Variants in NCKAP1L observed in about 807,000 individuals in gnomAD.
NCKAP1L encodes nck-associated protein 1-like.
NCKAP1L carries 53 observed loss-of-function variants against 139.2 expected under a neutral mutation model. The observed-to-expected ratio is 0.38, with a 90% CI of 0.31 to 0.48. The LOEUF (loss-of-function observed/expected upper bound fraction) is 0.48, where lower values mean the gene tolerates loss of function less well. Among genes scored for constraint, NCKAP1L ranks in the 20% least tolerant of loss-of-function variants. The probability of loss-of-function intolerance (pLI) is 0.98; values close to 1 mark genes in which losing one functional copy is unlikely to be tolerated. For missense variants in NCKAP1L, 1,151 were observed against 1,381.9 expected, an observed-to-expected ratio of 0.83 and a Z score of 2.65; for synonymous variants, 468 against 499.7, an observed-to-expected ratio of 0.94 and a Z score of 0.85.
intron 20 of NCKAP1L, 67 bp from the exon 21 acceptor site, chr12:54,526,461 C>T: frequency 7.8e-7 from 1 of 1,275,914 alleles, no homozygotes; most frequent in Non-Finnish European, 1.1e-6. Context: ...ACAATATACA[C>T]TCAACAATTG....
chr12:54,540,800 T>C (rs1338467662), intron 30 of NCKAP1L, among the ~76,000 whole-genome samples: 1 of 152,172 alleles, frequency 6.6e-6, no homozygotes, highest in African/African-American at 2.4e-5. Context: ...CACCCCAAAA[T>C]GTGGAAAGTG....
intron 13 of NCKAP1L, 118 bp downstream of exon 13, chr12:54,518,056 C>A: frequency 8.0e-7 from 1 of 1,247,618 alleles, no homozygotes; most frequent in Non-Finnish European, 1.1e-6. Flanking sequence ...AAGGTCCAAT[C>A]TAGGCTGGGC....
Position 54,519,224 on chromosome 12 carries a change from A to C in NCKAP1L, c.1517A>C (p.His506Pro). Residue 506 changes from histidine to proline, a missense_variant, in exon 16 of 31, where the codon CAT becomes CCT. By Grantham distance (77) the His-to-Pro change is moderately conservative. Coordinates refer to ENST00000293373, the MANE Select transcript of NCKAP1L (RefSeq NM_005337.5). ...TSVAKAPLHL[H>P]ENPDLAKVMN... ...GTGGCTAAGGCCCCTCTGCACCTGC[A>C]TGAGAACCCTGACTTAGCCAAGGTG... is the stretch of plus-strand genomic sequence containing the variant. The C allele has an allele frequency of 3.2e-6, 5 of 1,580,600 alleles. No homozygotes were observed. The highest frequency in any genetic ancestry group is 4.3e-6 in the Non-Finnish European group (5 of 1,170,136).
At chr12:54,519,721 T>C (rs1956966595) in intron 16 of NCKAP1L, among the ~76,000 whole-genome samples, 1 of 152,210 alleles carries the variant, frequency 6.6e-6, no homozygotes, top group Non-Finnish European at 1.5e-5. Flanking sequence ...ACCAATAATC[T>C]TAAGTGATAG....
chr12:54,531,313 G>A lies in NCKAP1L; in HGVS notation c.2560G>A (p.Glu854Lys). 1 of 1,614,160 alleles carries A rather than the reference G, an allele frequency of 6.2e-7. No homozygotes were observed. The highest frequency in any genetic ancestry group is 1.1e-5 in the South Asian group (1 of 91,080). The change falls in exon 23 of 31, where the codon GAA (glutamate) becomes AAA (lysine). Residue 854 changes from glutamate (E) to lysine (K), a missense_variant. Transcript: ENST00000293373. ...CCCCTATGGCATGAAGTTCCTGAGT[G>A]AAAACCTGATGTGGCATGTGACCTC... Reference protein sequence around the residue: ...LGPYGMKFLSENLMWHVTSQI... With the variant: ...LGPYGMKFLSKNLMWHVTSQI...
At chr12:54,512,597 T>C (rs1956897188) in intron 9 of NCKAP1L, 1 of 153,994 alleles carries the variant, frequency 6.5e-6, no homozygotes, top group African/African-American at 2.4e-5. Context: ...GAGGAATCTA[T>C]GAACTGGTAG....
At chr12:54,535,068 C>G in intron 26 of NCKAP1L, 36 bp from the exon 27 acceptor site, 4 of 1,565,450 alleles carry the variant, frequency 2.6e-6, no homozygotes, top group Non-Finnish European at 3.5e-6. Flanking sequence ...TTGTGTCCTG[C>G]GAATCCTCTC....
rs745840060 is a variant in NCKAP1L at position 54,526,599 on chromosome 12, G to A, written c.2228G>A (p.Gly743Glu). The A allele has an allele frequency of 6.2e-7, 1 of 1,614,108 alleles. No individual in the cohort carries two copies. The highest frequency in any genetic ancestry group is 1.1e-5 in the South Asian group (1 of 91,082). The change falls in exon 21 of 31, where the codon GGA (glycine) becomes GAA (glutamate). Residue 743 changes from glycine (G) to glutamate (E), a missense_variant. Physicochemically the swap from Gly to Glu is moderately conservative, Grantham distance 98. Coordinates refer to ENST00000293373, the MANE Select transcript of NCKAP1L (RefSeq NM_005337.5). ...EIVRPSELLA[G>E]VKAYIGFIQS... ...GTACGGCCTTCTGAGCTGTTGGCAG[G>A]AGTCAAAGCATACATTGGTTTCATA...
Position 54,506,796 on chromosome 12 carries a change from A to AAATATATAT in NCKAP1L, c.307-1056_307-1055insATATATATA. Among the ~76,000 whole-genome samples the AAATATATAT allele has an allele frequency of 9.6e-3, 486 of 50,596 alleles. 13 individuals are homozygous for AAATATATAT. The highest frequency in any genetic ancestry group is 0.018 in the African/African-American group (166 of 9,062). 33.2% of individuals were successfully genotyped at this position (50,596 alleles called of 152,430 possible). A position where few individuals can be genotyped will look rare whatever the true frequency, so the allele number is the denominator to read the frequency against. The stretch of plus-strand genomic sequence containing the variant: ...TTTTGGCAACATATTAAAAAAAAAA[A>AAATATATAT]ATATATATATATATATATATATATA... On this transcript the variant is annotated intron_variant, in intron 3 of 30. Coordinates refer to ENST00000293373, the MANE Select transcript of NCKAP1L (RefSeq NM_005337.5).
chr12:54,542,518 G>A (rs1039128785), intron 30 of NCKAP1L, 57 bp from the exon 31 acceptor site: 2 of 1,279,624 alleles, frequency 1.6e-6, no homozygotes, highest in African/African-American at 1.5e-5. Flanking sequence ...AAGGAACAGG[G>A]TATCACAGAC....
intron 18 of NCKAP1L, among the ~76,000 whole-genome samples, chr12:54,522,744 C>T (rs533718247): frequency 3.6e-4 from 55 of 152,328 alleles, no homozygotes; most frequent in African/African-American, 1.2e-3. Context: ...ACATGCCCTG[C>T]TCATGCTCAG....
At chr12:54,531,715 C>T (rs1283722840) in intron 24 of NCKAP1L, 28 bp from the exon 25 acceptor site, 3 of 1,608,708 alleles carry the variant, frequency 1.9e-6, no homozygotes, top group East Asian at 4.5e-5. Context: ...TCTAAATTAT[C>T]TTTTCTAACA....
chr12:54,500,761 T>G (rs1316681692), intron 3 of NCKAP1L, 136 bp downstream of exon 3: 1 of 647,992 alleles, frequency 1.5e-6, no homozygotes, highest in African/African-American at 1.8e-5. Context: ...GATATCTAAG[T>G]TGTATTGTTA....
Position 54,535,217 on chromosome 12 carries a change from G to A in NCKAP1L, c.2956+20G>A, listed in dbSNP as rs773992573. On this transcript the variant is annotated intron_variant, in intron 27 of 30. Coordinates refer to ENST00000293373, the MANE Select transcript of NCKAP1L (RefSeq NM_005337.5). ...AAGCTGGTAAGATTGGGGAAAGGGG[G>A]CGAGATTTGGGAAAGGAGGGCTTGG... 1.6e-5 allele frequency: 26 copies of A among 1,597,550 alleles called. No individual in the cohort carries two copies. Among genetic ancestry groups the A allele is most frequent in the Non-Finnish European group, 1.6e-5 (19 of 1,166,174 alleles).
intron 29 of NCKAP1L, among the ~76,000 whole-genome samples, chr12:54,538,108 G>A (rs1407602203): frequency 1.3e-5 from 2 of 152,142 alleles, no homozygotes; most frequent in African/African-American, 2.4e-5. Context: ...AAGAACCAGG[G>A]CCTCATCTGT....
rs754518647 is a variant in NCKAP1L at position 54,518,651 on chromosome 12, A to C, written c.1339A>C (p.Asn447His). ...DALVLSDIIQ[N>H]LSVCPEEESI... ...ACAGTAACTGCAGCTCCTTTTTTAG[A>C]ACTTGTCTGTGTGTCCAGAGGAGGA... Residue 447 changes from asparagine (N) to histidine (H), a missense_variant and splice_region_variant, in exon 14 of 31, where the codon AAC (asparagine) becomes CAC (histidine). Physicochemically the swap from Asn to His is moderately conservative, Grantham distance 68. Coordinates refer to ENST00000293373, the MANE Select transcript of NCKAP1L (RefSeq NM_005337.5). 1.2e-5 allele frequency: 19 copies of C among 1,613,748 alleles called. No individual in the cohort carries two copies. The highest frequency in any genetic ancestry group is 1.6e-5 in the Non-Finnish European group (19 of 1,179,792).
Position 54,500,608 on chromosome 12 carries a change from G to C in NCKAP1L, c.289G>C (p.Asp97His). 1 of 1,611,150 alleles carries C rather than the reference G, an allele frequency of 6.2e-7. No individual in the cohort carries two copies. Among genetic ancestry groups the C allele is most frequent in the Non-Finnish European group, 8.5e-7 (1 of 1,177,524 alleles). Residue 97 changes from aspartate to histidine, a missense_variant, in exon 3 of 31, where the codon GAT becomes CAT. By Grantham distance (81) the Asp-to-His change is moderately conservative (BLOSUM62 -1). Coordinates refer to ENST00000293373, the MANE Select transcript of NCKAP1L (RefSeq NM_005337.5). ...CACCAACTACTACCAGTCATTTGTGGATGTCATGGAATTTCGGGTGAGCTC... is the reference window on the plus strand; with the variant it reads ...CACCAACTACTACCAGTCATTTGTGCATGTCATGGAATTTCGGGTGAGCTC... ...FLTNYYQSFVDVMEFRDHVYE... is the reference protein window; with the variant it reads ...FLTNYYQSFVHVMEFRDHVYE...
chr12:54,505,957 C>A (rs546250853), intron 3 of NCKAP1L, among the ~76,000 whole-genome samples: 1 of 152,196 alleles, frequency 6.6e-6, no homozygotes, highest in Non-Finnish European at 1.5e-5. Flanking sequence ...CCACGGCACC[C>A]GGCCTCAGTC....
intron 3 of NCKAP1L, 135 bp downstream of exon 3, chr12:54,500,760 G>A: frequency 1.5e-6 from 1 of 645,382 alleles, no homozygotes; most frequent in Non-Finnish European, 2.8e-6. Context: ...GGATATCTAA[G>A]TTGTATTGTT....
Sources: gnomAD v4.1 joint callset for allele counts (sites outside exome capture counted in the v4.1 genomes callset) on GRCh38, gnomAD v4.1.1 for gene constraint, MANE v1.5 for transcripts, NCBI Gene and HGNC (gene_info 2026-07-23, HGNC 2026-07-21) for gene names.